GAS2: variants seen among roughly 807,000 people sequenced by gnomAD.
GAS2 encodes the protein growth arrest specific 2.
Under a neutral mutation model 37.5 loss-of-function variants are expected in GAS2, and 20 were observed. That is an observed-to-expected ratio of 0.53 (90% CI 0.37 to 0.77). The LOEUF (loss-of-function observed/expected upper bound fraction) is 0.77, where lower values mean the gene tolerates loss of function less well. GAS2 is among the 30% of genes least tolerant of loss of function. The pLI is 0.00. For synonymous variants in GAS2, 144 were observed against 132.2 expected (o/e 1.09, Z -0.61); for missense variants, 336 against 373.4 (o/e 0.90, Z 0.82).
chr11:22,720,081 CTTTG>C (rs1467225807), intron 3 of GAS2, among the ~76,000 whole-genome samples: 1 of 152,020 alleles, frequency 6.6e-6, no homozygotes, highest in Admixed American at 6.6e-5. Flanking sequence ...TATTTGCCAA[CTTTG>C]TTAGTTAAGT....
intron 7 of GAS2, among the ~76,000 whole-genome samples, chr11:22,791,500 A>G (rs1255612697): frequency 6.6e-6 from 1 of 152,242 alleles, no homozygotes; most frequent in Non-Finnish European, 1.5e-5. Flanking sequence ...GTTAATCATA[A>G]TATACAGGAA....
chr11:22,638,520 A>G (rs559842293), intron 1 of GAS2, among the ~76,000 whole-genome samples: 2 of 151,764 alleles, frequency 1.3e-5, no homozygotes, highest in African/African-American at 4.8e-5. Flanking sequence ...TAATTTTTGT[A>G]TTTTTAGTGG....
At chr11:22,743,539 C>T (rs1388971368) in intron 5 of GAS2, among the ~76,000 whole-genome samples, 2 of 151,960 alleles carry the variant, frequency 1.3e-5, no homozygotes, top group African/African-American at 4.8e-5. Flanking sequence ...TAATATATGT[C>T]AAGATATCCA....
Position 22,789,530 on chromosome 11 carries a change from C to G in GAS2, c.724-22268C>G, listed in dbSNP as rs1219397819. Among the ~76,000 whole-genome samples, 40 of 127,854 alleles carry G rather than the reference C, an allele frequency of 3.1e-4. 1 individual carries two copies. In the Admixed American group the frequency reaches 3.2e-3, roughly 10 times the overall value. 83.9% of individuals were successfully genotyped at this position (127,854 alleles called of 152,430 possible). A position where few individuals can be genotyped will look rare whatever the true frequency, so the allele number is the denominator to read the frequency against. On this transcript the variant is annotated intron_variant, in intron 7 of 7. Coordinates refer to ENST00000454584, the MANE Select transcript of GAS2 (RefSeq NM_001143830.3). ...AGGCTGAAGTGCAGTGGCGTGATCTCGGCTCACTGCAAGCTCCACCTACCG... is the reference window on the plus strand; with the variant it reads ...AGGCTGAAGTGCAGTGGCGTGATCTGGGCTCACTGCAAGCTCCACCTACCG...
intron 3 of GAS2, among the ~76,000 whole-genome samples, chr11:22,701,636 C>T (rs975237590): frequency 1.3e-5 from 2 of 152,150 alleles, no homozygotes; most frequent in Non-Finnish European, 2.9e-5. Context: ...CAAGACCACC[C>T]TGGCCAATAT....
chr11:22,743,546 T>G (rs1231096876), intron 5 of GAS2, among the ~76,000 whole-genome samples: 1 of 152,072 alleles, frequency 6.6e-6, no homozygotes, highest in Non-Finnish European at 1.5e-5. Context: ...TGTCAAGATA[T>G]CCAGCAATGT....
chr11:22,675,245 A>T (rs1849370897), intron 2 of GAS2, among the ~76,000 whole-genome samples: 1 of 152,228 alleles, frequency 6.6e-6, no homozygotes, highest in Admixed American at 6.5e-5. Flanking sequence ...CAAATGTGGA[A>T]ATATGCAGTC....
At chr11:22,646,132 T>A (rs973909002) in intron 1 of GAS2, among the ~76,000 whole-genome samples, 1 of 152,138 alleles carries the variant, frequency 6.6e-6, no homozygotes, top group East Asian at 1.9e-4. Context: ...CGTCATTATT[T>A]ACTGAGAAAA....
rs970608914 is a variant in GAS2, at chr11:22,670,462, A to T, written c.-21+3563A>T. ...CCATTATCTACTGTATCATTAATACATTTATTTGTTCTCCCCGTTGTCCTT... is the reference window on the plus strand; with the variant it reads ...CCATTATCTACTGTATCATTAATACTTTTATTTGTTCTCCCCGTTGTCCTT... On this transcript the variant is annotated intron_variant, in intron 1 of 7. Coordinates refer to ENST00000454584, the MANE Select transcript of GAS2 (RefSeq NM_001143830.3). Among the ~76,000 whole-genome samples the T allele has an allele frequency of 4.6e-5, 7 of 152,122 alleles. No homozygotes were observed. In the East Asian group the frequency reaches 1.3e-3, roughly 29 times the overall value.
At chr11:22,811,278 G>C (rs1282438083) in intron 7 of GAS2, among the ~76,000 whole-genome samples, 1 of 152,070 alleles carries the variant, frequency 6.6e-6, no homozygotes, top group East Asian at 1.9e-4. Flanking sequence ...TGCCTTCAAG[G>C]GCTCAGACAA....
intron 3 of GAS2, among the ~76,000 whole-genome samples, chr11:22,694,686 T>C (rs2133986894): frequency 6.6e-6 from 1 of 152,298 alleles, no homozygotes; most frequent in Non-Finnish European, 1.5e-5. Context: ...TGTTAGCAAA[T>C]CTAGCAAACT....
chr11:22,795,440 A>G (rs1311754530), intron 7 of GAS2, among the ~76,000 whole-genome samples: 1 of 152,094 alleles, frequency 6.6e-6, no homozygotes, highest in Non-Finnish European at 1.5e-5. Context: ...CAATTTTTAC[A>G]GGGTGATTAG....
intron 7 of GAS2, among the ~76,000 whole-genome samples, chr11:22,795,065 C>T (rs1856360868): frequency 6.6e-6 from 1 of 152,108 alleles, no homozygotes; most frequent in African/African-American, 2.4e-5. Flanking sequence ...ACAGGAGATC[C>T]ATGACTCTCT....
chr11:22,674,614 G>A (rs1005895137), intron 1 of GAS2, among the ~76,000 whole-genome samples: 4 of 152,158 alleles, frequency 2.6e-5, no homozygotes, highest in Admixed American at 2.0e-4. Context: ...CAAACTTGGA[G>A]TTTCTTGTTT....
rs116369228 is a variant in GAS2 at position 22,694,361 on chromosome 11, G to A, written c.267+8572G>A. On this transcript the variant is annotated intron_variant, in intron 3 of 7. Coordinates refer to ENST00000454584, the MANE Select transcript of GAS2 (RefSeq NM_001143830.3). ...GTGCCAACGTGTGTTCCTGCCACCC[G>A]GAGAATTTCCATTCACACTAAAATG... Among the ~76,000 whole-genome samples, 1,272 of 152,072 alleles carry A rather than the reference G, an allele frequency of 8.4e-3. 15 individuals carry two copies. The highest frequency in any genetic ancestry group is 0.029 in the African/African-American group (1,212 of 41,494).
chr11:22,628,132 G>A (rs572817571), intron 1 of GAS2, among the ~76,000 whole-genome samples: 1 of 152,144 alleles, frequency 6.6e-6, no homozygotes, highest in African/African-American at 2.4e-5. Context: ...TGTCTATGAA[G>A]TTTCCCCCTC....
At chr11:22,726,696 A>G (rs1852232641) in intron 4 of GAS2, among the ~76,000 whole-genome samples, 1 of 152,116 alleles carries the variant, frequency 6.6e-6, no homozygotes, top group Admixed American at 6.6e-5. Context: ...AGCTAAATAT[A>G]AGGGCCATTA....
At position 22,748,720 on chromosome 11, in the gene GAS2, C is replaced by T. The variant is rs143739988; in HGVS notation, c.474-400C>T. ...GCTGTTTGCAAACTTGAGTCTGACC[C>T]TCTGGTTGTATTTCTATTTTTAACA... On this transcript the variant is annotated intron_variant, in intron 5 of 7. Coordinates refer to ENST00000454584, the MANE Select transcript of GAS2 (RefSeq NM_001143830.3). Among the ~76,000 whole-genome samples the T allele has an allele frequency of 3.2e-3, 489 of 152,088 alleles. 1 individual carries two copies. Among genetic ancestry groups the T allele is most frequent in the Non-Finnish European group, 5.3e-3 (357 of 67,948 alleles).
intron 1 of GAS2, among the ~76,000 whole-genome samples, chr11:22,655,763 C>T (rs1187208543): frequency 6.6e-6 from 1 of 152,160 alleles, no homozygotes; most frequent in East Asian, 1.9e-4. Context: ...CAAACCAAAC[C>T]ATAAGATGTA....
Sources: allele counts gnomAD v4.1 joint callset (sites outside exome capture counted in the v4.1 genomes callset), GRCh38; gene constraint gnomAD v4.1.1; transcripts MANE v1.5; gene names NCBI Gene and HGNC (gene_info 2026-07-23, HGNC 2026-07-21).